The following SPECC1 variants were observed in gnomAD, a reference collection of about 807,000 sequenced individuals.
SPECC1 encodes cytospin-B.
SPECC1 carries 62 observed loss-of-function variants against 104.1 expected under a neutral mutation model. That is an observed-to-expected ratio of 0.60 (90% CI 0.49 to 0.74). The LOEUF is 0.74. Among genes scored for constraint, SPECC1 ranks in the 30% least tolerant of loss-of-function variants. The probability of loss-of-function intolerance (pLI) is 0.00; values close to 1 mark genes in which losing one functional copy is unlikely to be tolerated. For synonymous variants in SPECC1, 513 were observed against 501.6 expected, an observed-to-expected ratio of 1.02 and a Z score of -0.30; for missense variants, 1,306 against 1,310.5, an observed-to-expected ratio of 1.00 and a Z score of 0.05.
intron 1 of SPECC1, among the ~76,000 whole-genome samples, chr17:20,071,465 T>A (rs1373171090): frequency 6.6e-6 from 1 of 152,158 alleles, no homozygotes; most frequent in Non-Finnish European, 1.5e-5. Flanking sequence ...TAATCAATTA[T>A]TCTACCAGAT....
intron 5 of SPECC1, among the ~76,000 whole-genome samples, chr17:20,229,903 G>A (rs2038465754): frequency 1.3e-5 from 2 of 152,200 alleles, no homozygotes; most frequent in African/African-American, 4.8e-5. Flanking sequence ...CCCAGGGTCA[G>A]GAAAATGTTA....
rs754954654 is a variant in SPECC1, at chr17:20,096,836, G to A, written c.147+38G>A. 7 of 1,585,900 alleles carry A rather than the reference G, an allele frequency of 4.4e-6. No homozygotes were observed. The Admixed American group carries it at 8.6e-5, about 19-fold the overall frequency. ...ATGCACAGGGCCAGGCAGAGCGCCTGGATACCCTGGGTTGGGAGGATTGAA... is the reference window on the plus strand; with the variant it reads ...ATGCACAGGGCCAGGCAGAGCGCCTAGATACCCTGGGTTGGGAGGATTGAA... On this transcript the variant is annotated intron_variant, in intron 2 of 14. Transcript: ENST00000395527.
chr17:20,263,530 A>G (rs1200337323), intron 12 of SPECC1, among the ~76,000 whole-genome samples: 1 of 151,944 alleles, frequency 6.6e-6, no homozygotes, highest in Non-Finnish European at 1.5e-5. Context: ...AAAATATATT[A>G]AAAGAAAATA....
At chr17:20,060,014 G>A (rs775727936) in intron 1 of SPECC1, among the ~76,000 whole-genome samples, 3 of 152,188 alleles carry the variant, frequency 2.0e-5, no homozygotes, top group African/African-American at 4.8e-5. Flanking sequence ...GATGTTCCTT[G>A]ATGTTTAGTG....
At chr17:20,044,362 A>G (rs192624262) in intron 1 of SPECC1, among the ~76,000 whole-genome samples, 9 of 152,278 alleles carry the variant, frequency 5.9e-5, no homozygotes, top group Non-Finnish European at 7.4e-5. Context: ...TGTAATCTGT[A>G]TATAGCTCAC....
chr17:20,077,615 C>T (rs767696707), intron 1 of SPECC1, among the ~76,000 whole-genome samples: 1 of 151,940 alleles, frequency 6.6e-6, no homozygotes, highest in African/African-American at 2.4e-5. Context: ...TATAGGCACC[C>T]GCCACCACGC....
intron 7 of SPECC1, among the ~76,000 whole-genome samples, chr17:20,235,582 A>T (rs575565855): frequency 6.6e-5 from 10 of 152,298 alleles, no homozygotes; most frequent in Admixed American, 5.2e-4. Context: ...ATGGTTCGTG[A>T]GCAGTGCATG....
intron 8 of SPECC1, 150 bp downstream of exon 8, chr17:20,246,221 C>A: frequency 1.1e-6 from 1 of 880,164 alleles, no homozygotes; most frequent in Non-Finnish European, 1.7e-6. Context: ...CCACTGCATG[C>A]AGGAGCCTGG....
At chr17:20,303,995 G>C in intron 13 of SPECC1, among the ~76,000 whole-genome samples, 1 of 150,228 alleles carries the variant, frequency 6.7e-6, no homozygotes, top group East Asian at 2.0e-4. Flanking sequence ...ATAATGGCCA[G>C]GTGCCATAGC....
At chr17:20,047,486 T>A (rs2045582610) in intron 1 of SPECC1, among the ~76,000 whole-genome samples, 1 of 152,254 alleles carries the variant, frequency 6.6e-6, no homozygotes, top group Admixed American at 6.5e-5. Context: ...ATTCAGTTAC[T>A]CAATTTCAGG....
chr17:20,087,770 T>C lies in SPECC1; in HGVS notation c.-21-8861T>C, dbSNP rs117248526. On this transcript the variant is annotated intron_variant, in intron 1 of 14. Transcript: ENST00000395527. ...GTAGCACAGGAAGGCAGATAACCCA[T>C]GACAGAAAATCAATGGCAGATAATC... 1.8e-3 allele frequency among the ~76,000 whole-genome samples: 270 copies of C among 152,276 alleles called. 2 individuals are homozygous for C. Among genetic ancestry groups the C allele is most frequent in the Non-Finnish European group, 2.7e-3 (182 of 68,022 alleles).
rs528575031 is a variant in SPECC1, at chr17:20,255,980, C to G, written c.2681-1471C>G. Among the ~76,000 whole-genome samples, 5 of 152,222 alleles carry G rather than the reference C, an allele frequency of 3.3e-5. No individual in the cohort carries two copies. In the South Asian group the frequency reaches 1.0e-3, roughly 32 times the overall value. On this transcript the variant is annotated intron_variant, in intron 10 of 14. Coordinates refer to ENST00000395527, the MANE Select transcript of SPECC1 (RefSeq NM_001243439.2). ...GCAATCTCTGCCTCCCAGGTTCACA[C>G]CATTCTCCTGCCTCAGCCTCCCGAG...
rs557774711 is a variant in SPECC1 at position 20,153,865 on chromosome 17, C to A, written c.283+43303C>A. Among the ~76,000 whole-genome samples, 3 of 152,292 alleles carry A rather than the reference C, an allele frequency of 2.0e-5. No homozygotes were observed. In the South Asian group the frequency reaches 6.2e-4, roughly 32 times the overall value. ...GGGGAAGTCGACCATCTTTTCTGGGCTAGTTACCTTTTTAAAAGGGGAGGG... is the reference window on the plus strand; with the variant it reads ...GGGGAAGTCGACCATCTTTTCTGGGATAGTTACCTTTTTAAAAGGGGAGGG... On this transcript the variant is annotated intron_variant, in intron 3 of 14. Transcript: ENST00000395527.
intron 3 of SPECC1, among the ~76,000 whole-genome samples, chr17:20,140,618 A>G (rs1368552271): frequency 6.6e-6 from 1 of 152,208 alleles, no homozygotes; most frequent in Non-Finnish European, 1.5e-5. Flanking sequence ...TATGAAGACA[A>G]CCCACATGAT....
intron 1 of SPECC1, among the ~76,000 whole-genome samples, chr17:20,051,337 G>A (rs2045769314): frequency 3.3e-5 from 5 of 151,772 alleles, no homozygotes; most frequent in Admixed American, 6.6e-5. Flanking sequence ...CACCATGCCT[G>A]GATAATTTCT....
chr17:20,237,615 T>C, intron 7 of SPECC1: 1 of 197,734 alleles, frequency 5.1e-6, no homozygotes, highest in Non-Finnish European at 1.0e-5. Flanking sequence ...ACCCAGAACC[T>C]AAGGCCCAAG....
chr17:20,273,588 G>C (rs1361382055), intron 12 of SPECC1, among the ~76,000 whole-genome samples: 1 of 152,128 alleles, frequency 6.6e-6, no homozygotes, highest in Admixed American at 6.5e-5. Flanking sequence ...TGTCCTCTGG[G>C]TGTGCACAGA....
At chr17:20,310,734 C>T (rs1221704560) in intron 14 of SPECC1, among the ~76,000 whole-genome samples, 2 of 152,220 alleles carry the variant, frequency 1.3e-5, no homozygotes, top group Non-Finnish European at 2.9e-5. Flanking sequence ...TGCTGGCATG[C>T]CCCCGTGGAG....
chr17:20,250,542 C>T (rs1040013350), intron 9 of SPECC1, among the ~76,000 whole-genome samples: 23 of 152,098 alleles, frequency 1.5e-4, no homozygotes, highest in Non-Finnish European at 2.5e-4. Flanking sequence ...AAAAATGTAA[C>T]GTGCTAAACT....
Sources: gnomAD v4.1 joint callset for allele counts (sites outside exome capture counted in the v4.1 genomes callset) on GRCh38, gnomAD v4.1.1 for gene constraint, MANE v1.5 for transcripts, NCBI Gene and HGNC (gene_info 2026-07-23, HGNC 2026-07-21) for gene names.